TDRD1: variants seen among roughly 807,000 people sequenced by gnomAD.
TDRD1 encodes tudor domain-containing protein 1.
A neutral mutation model predicts 140.6 loss-of-function variants in TDRD1; 37 were observed. The ratio of observed to expected loss-of-function variants is 0.26; its 90% CI spans 0.20 to 0.35. The LOEUF is 0.35. Ranked by LOEUF, TDRD1 falls within the 10% of genes least tolerant of loss-of-function variation. The pLI is 1.00. For missense variants in TDRD1, 1,243 were observed against 1,393.0 expected, an observed-to-expected ratio of 0.89 and a Z score of 1.71; for synonymous variants, 506 against 475.7, an observed-to-expected ratio of 1.06 and a Z score of -0.83.
chr10:114,188,270 C>A, intron 2 of TDRD1, 114 bp downstream of exon 2: 1 of 863,276 alleles, frequency 1.2e-6, no homozygotes, highest in Non-Finnish European at 1.7e-6. Flanking sequence ...ACATGACTAC[C>A]TTACCGTATT....
At chr10:114,194,325 G>A (rs898635113) in intron 3 of TDRD1, among the ~76,000 whole-genome samples, 1 of 152,134 alleles carries the variant, frequency 6.6e-6, no homozygotes, top group Admixed American at 6.6e-5. Context: ...ATCTGGACCT[G>A]GAGATTTCTT....
chr10:114,223,490 G>A (rs2036263623), intron 21 of TDRD1, among the ~76,000 whole-genome samples: 2 of 152,236 alleles, frequency 1.3e-5, no homozygotes, highest in Admixed American at 1.3e-4. Context: ...AGGCATTTTT[G>A]TGATTAGATG....
At chr10:114,204,794 A>G in exon 10 of TDRD1, 1 of 1,607,966 alleles carries the variant, frequency 6.2e-7, no homozygotes, top group Non-Finnish European at 8.5e-7. Flanking sequence ...CAAAGCTACT[A>G]AACCACTGTT....
At chr10:114,189,152 G>T (rs890473852) in intron 2 of TDRD1, among the ~76,000 whole-genome samples, 3 of 152,130 alleles carry the variant, frequency 2.0e-5, no homozygotes, top group African/African-American at 7.2e-5. Context: ...GCACTTAAAA[G>T]GAAAACCAGA....
intron 10 of TDRD1, among the ~76,000 whole-genome samples, chr10:114,205,787 A>T (rs899361810): frequency 6.6e-6 from 1 of 152,208 alleles, no homozygotes; most frequent in Non-Finnish European, 1.5e-5. Flanking sequence ...AAAAAGACTG[A>T]ATAAGACCTA....
chr10:114,188,092 A>G, exon 2 of TDRD1: 6 of 1,612,958 alleles, frequency 3.7e-6, no homozygotes, highest in Non-Finnish European at 5.1e-6. Context: ...CAGTTTCTTC[A>G]AACCCGAATG....
chr10:114,201,999 C>A (rs892377096), intron 5 of TDRD1, among the ~76,000 whole-genome samples: 2 of 152,190 alleles, frequency 1.3e-5, no homozygotes, highest in African/African-American at 2.4e-5. Flanking sequence ...TGTCTCCCCC[C>A]AACCCTGTCT....
intron 25 of TDRD1, chr10:114,231,467 G>GT: frequency 1.9e-6 from 3 of 1,585,612 alleles, no homozygotes; most frequent in Non-Finnish European, 2.6e-6. Flanking sequence ...AATGATAGTT[G>GT]ATTTTTTTTC....
chr10:114,196,327 T>C (rs1443197656), intron 3 of TDRD1, among the ~76,000 whole-genome samples: 6 of 152,236 alleles, frequency 3.9e-5, no homozygotes, highest in Non-Finnish European at 8.8e-5. Flanking sequence ...GCCATTCTTT[T>C]AGGATAAAGC....
At chr10:114,220,381 G>A (rs1337368962) in intron 18 of TDRD1, among the ~76,000 whole-genome samples, 187 bp from the exon 19 acceptor site, 1 of 152,188 alleles carries the variant, frequency 6.6e-6, no homozygotes, top group Non-Finnish European at 1.5e-5. Flanking sequence ...TAAAACCCTA[G>A]AGTGTATTAG....
chr10:114,212,239 A>G (rs534622101), intron 14 of TDRD1, among the ~76,000 whole-genome samples: 8 of 152,316 alleles, frequency 5.3e-5, no homozygotes, highest in African/African-American at 1.9e-4. Flanking sequence ...ACGTACCATA[A>G]TTTAGAAAGA....
intron 3 of TDRD1, among the ~76,000 whole-genome samples, chr10:114,192,292 CTTTTTTTTTTTTTTTT>C (rs938140798): frequency 4.0e-5 from 3 of 75,112 alleles, no homozygotes; most frequent in African/African-American, 1.8e-4. Flanking sequence ...GATAGTTTTC[CTTTTTTTTTTTTTTTT>C]TTTTTTTTTT....
chr10:114,189,750 C>T (rs1407708878), intron 2 of TDRD1, among the ~76,000 whole-genome samples: 3 of 152,180 alleles, frequency 2.0e-5, no homozygotes, highest in Non-Finnish European at 2.9e-5. Flanking sequence ...AACCACCGCA[C>T]CAGGCCCTAA....
chr10:114,231,269 A>G (rs776818289), intron 25 of TDRD1, among the ~76,000 whole-genome samples: 2 of 152,182 alleles, frequency 1.3e-5, no homozygotes, highest in Non-Finnish European at 2.9e-5. Context: ...GCAAACAACT[A>G]TATGTTATAT....
chr10:114,227,125 A>C, exon 23 of TDRD1: 2 of 1,602,434 alleles, frequency 1.2e-6, no homozygotes, highest in Non-Finnish European at 1.7e-6. Flanking sequence ...GCTATTAAAA[A>C]ATTTCATGTT....
intron 25 of TDRD1, among the ~76,000 whole-genome samples, chr10:114,229,101 C>CAAAA (rs60459811): frequency 6.7e-6 from 1 of 149,424 alleles, no homozygotes; most frequent in Non-Finnish European, 1.5e-5. Flanking sequence ...CAAAACAAAA[C>CAAAA]AAAAAAAAAA....
intron 1 of TDRD1, among the ~76,000 whole-genome samples, chr10:114,186,350 G>A (rs1236218786): frequency 2.6e-5 from 4 of 151,974 alleles, no homozygotes; most frequent in Non-Finnish European, 5.9e-5. Context: ...TGCAAGCTCC[G>A]CCTCCTGAGT....
chr10:114,187,582 G>C (rs913820941), intron 1 of TDRD1, among the ~76,000 whole-genome samples: 2 of 152,180 alleles, frequency 1.3e-5, no homozygotes, highest in Non-Finnish European at 2.9e-5. Context: ...GGTGTTGAAC[G>C]CTGAGATTTT....
exon 2 of TDRD1, chr10:114,187,875 T>C (rs756140856): frequency 6.2e-7 from 1 of 1,603,886 alleles, no homozygotes; most frequent in Admixed American, 1.8e-5. Flanking sequence ...AGAAATAATT[T>C]GGAAGCACCT....
Sources: allele counts gnomAD v4.1 joint callset (sites outside exome capture counted in the v4.1 genomes callset), GRCh38; gene constraint gnomAD v4.1.1; transcripts MANE v1.5; gene names NCBI Gene and HGNC (gene_info 2026-07-23, HGNC 2026-07-21).